Variants in CTSD observed in about 807,000 individuals in gnomAD.
CTSD encodes cathepsin D.
CTSD carries 28 observed loss-of-function variants against 43.6 expected under a neutral mutation model. The observed-to-expected ratio is 0.64, with a 90% CI of 0.48 to 0.88. CTSD has a LOEUF of 0.88. CTSD is among the 40% of genes least tolerant of loss of function. The pLI, the probability that CTSD is intolerant of heterozygous loss-of-function variation, is 0.00. For missense variants in CTSD, 485 were observed against 555.2 expected (o/e 0.87, Z 1.27); for synonymous variants, 270 against 249.8 (o/e 1.08, Z -0.76).
At chr11:1,763,677 G>T in intron 1 of CTSD, 115 bp downstream of exon 1, 1 of 1,020,620 alleles carries the variant, frequency 9.8e-7, no homozygotes, top group South Asian at 1.7e-5. Flanking sequence ...ATTCCAGCGC[G>T]GGGGGCGCAA....
intron 1 of CTSD, 172 bp from the exon 2 acceptor site, chr11:1,761,640 A>T: frequency 2.7e-6 from 2 of 737,280 alleles, no homozygotes; most frequent in Non-Finnish European, 4.7e-6. Flanking sequence ...CAAGTCAGTG[A>T]ATGGCAACCC....
chr11:1,755,479 G>A (rs1845798232), intron 5 of CTSD: 2 of 301,682 alleles, frequency 6.6e-6, no homozygotes, highest in Non-Finnish European at 1.3e-5. Context: ...TGCACTGGCT[G>A]CTCCTGGGAA....
chr11:1,757,274 C>T, intron 5 of CTSD, 50 bp downstream of exon 5: 3 of 1,499,272 alleles, frequency 2.0e-6, no homozygotes, highest in Non-Finnish European at 2.8e-6. Flanking sequence ...CCCGTCCAGC[C>T]CCGCCCTGCC....
chr11:1,761,441 G>A lies in CTSD; in HGVS notation c.96C>T (p.Ile32=), dbSNP rs1375498083. The A allele has an allele frequency of 1.9e-6, 3 of 1,613,894 alleles. No individual in the cohort carries two copies. Among genetic ancestry groups the A allele is most frequent in the South Asian group, 2.2e-5 (2 of 91,088 alleles). The change falls in exon 2 of 9, where the codon ATC becomes ATT. Residue 32 remains isoleucine (I), a synonymous_variant. Coordinates refer to ENST00000236671, the MANE Select transcript of CTSD (RefSeq NM_001909.5). ...CCCCAACCTCCGACATGGTCCGGCGGATGGACGTGAACTTGTGCAGCGGGA... is the reference window on the plus strand; with the variant it reads ...CCCCAACCTCCGACATGGTCCGGCGAATGGACGTGAACTTGTGCAGCGGGA... ...VRIPLHKFTS[I]RRTMSEVGGS...
intron 5 of CTSD, among the ~76,000 whole-genome samples, chr11:1,756,817 G>A (rs772899400): frequency 7.2e-5 from 11 of 152,184 alleles, no homozygotes; most frequent in African/African-American, 4.8e-5. Context: ...GAGGGCAGCC[G>A]GCACCTGCTG....
Position 1,761,297 on chromosome 11 carries a change from C to G in CTSD, c.228+12G>C, listed in dbSNP as rs1365561953. 6.2e-7 allele frequency: 1 copy of G among 1,613,578 alleles called. No homozygotes were observed. The highest frequency in any genetic ancestry group is 8.5e-7 in the Non-Finnish European group (1 of 1,179,966). ...GGCTCCGCTTGCAGCAGGGCTAAGA[C>G]CTCATACTCACGTCCATGTAGTTCT... On this transcript the variant is annotated intron_variant, in intron 2 of 8. Transcript: ENST00000236671.
At chr11:1,757,923 G>A (rs1295026751) in intron 4 of CTSD, 1 of 346,030 alleles carries the variant, frequency 2.9e-6, no homozygotes, top group African/African-American at 2.1e-5. Flanking sequence ...TGGGCCAGGA[G>A]CCCGAGAGAT....
At chr11:1,754,169 C>T (rs945026250) in intron 6 of CTSD, 31 bp from the exon 7 acceptor site, 80 of 1,600,262 alleles carry the variant, frequency 5.0e-5, no homozygotes, top group Admixed American at 4.4e-4. Flanking sequence ...AAGCCCCTGC[C>T]GGGACTGGAG....
intron 6 of CTSD, among the ~76,000 whole-genome samples, chr11:1,754,645 G>C (rs1845786804): frequency 6.7e-6 from 1 of 148,442 alleles, no homozygotes; most frequent in African/African-American, 2.5e-5. Context: ...GGACAGAAGG[G>C]ATGGTGGGTC....
At position 1,759,574 on chromosome 11, in the gene CTSD, C is replaced by A. The variant is rs369373285; in HGVS notation, c.294G>T (p.Thr98=). The A allele has an allele frequency of 6.2e-7, 1 of 1,613,402 alleles. No homozygotes were observed. The highest frequency in any genetic ancestry group is 1.7e-5 in the Admixed American group (1 of 59,994). ...PPQCFTVVFD[T]GSSNLWVPSI... ...AGGGGACCCACAGGTTGGAGGAGCC[C>A]GTGTCGAAGACGACTGTGAAGCACT... is the stretch of plus-strand genomic sequence containing the variant. Residue 98 remains threonine, a synonymous_variant, in exon 3 of 9, where the codon ACG becomes ACT. Transcript: ENST00000236671.
rs576112615 is a variant in CTSD, at chr11:1,759,155, C to A, written c.353-68G>T. 51 of 1,232,790 alleles carry A rather than the reference C, an allele frequency of 4.1e-5. 2 individuals are homozygous for A. The South Asian group carries it at 5.9e-4, about 14-fold the overall frequency. 76.4% of individuals were successfully genotyped at this position (1,232,790 alleles called of 1,614,324 possible). On this transcript the variant is annotated intron_variant, in intron 3 of 8. Coordinates refer to ENST00000236671, the MANE Select transcript of CTSD (RefSeq NM_001909.5). The stretch of plus-strand genomic sequence containing the variant: ...CACGCCACGGCCTTAGCCCTCCCAT[C>A]CCCCTACAATCTACCATGGAGCCCG...
At chr11:1,760,144 G>A (rs1055169367) in intron 2 of CTSD, among the ~76,000 whole-genome samples, 14 of 152,244 alleles carry the variant, frequency 9.2e-5, no homozygotes, top group African/African-American at 3.1e-4. Context: ...CCCCAGGCTT[G>A]GAGGGCTTCC....
At chr11:1,762,731 T>A (rs1175932614) in intron 1 of CTSD, among the ~76,000 whole-genome samples, 1 of 152,130 alleles carries the variant, frequency 6.6e-6, no homozygotes, top group African/African-American at 2.4e-5. Flanking sequence ...GCTGTGTCTG[T>A]CCTCCTTGGA....
rs919325099 is a variant in CTSD, at chr11:1,759,763, C to G, written c.229-124G>C. The G allele has an allele frequency of 4.0e-6, 4 of 1,007,318 alleles. No individual in the cohort carries two copies. In the African/African-American group the frequency reaches 4.9e-5, roughly 12 times the overall value. The allele number at this position is 1,007,318 out of a possible 1,614,324, so 62.4% of individuals were successfully genotyped here. A position where few individuals can be genotyped will look rare whatever the true frequency, so the allele number is the denominator to read the frequency against. On this transcript the variant is annotated intron_variant, in intron 2 of 8. Coordinates refer to ENST00000236671, the MANE Select transcript of CTSD (RefSeq NM_001909.5). The stretch of plus-strand genomic sequence containing the variant: ...GGAGGGAGGGGCATCACGGGGCCCA[C>G]AGCTGCCAACAGCCACCCACTCCCA...
At chr11:1,753,961 G>T in intron 7 of CTSD, 33 bp downstream of exon 7, 1 of 1,596,796 alleles carries the variant, frequency 6.3e-7, no homozygotes. Flanking sequence ...CCCCCTGCCA[G>T]CCCCAGCCCC....
intron 1 of CTSD, among the ~76,000 whole-genome samples, chr11:1,763,225 T>C (rs1845905201): frequency 6.6e-6 from 1 of 152,028 alleles, no homozygotes; most frequent in East Asian, 1.9e-4. Flanking sequence ...CCGGGGTGGG[T>C]GAGCCGACCC....
At chr11:1,761,522 C>T (rs772180964) in intron 1 of CTSD, 54 bp from the exon 2 acceptor site, 68 of 1,596,024 alleles carry the variant, frequency 4.3e-5, no homozygotes, top group African/African-American at 1.3e-4. Context: ...TGCCGGCCGA[C>T]GCTGCCAATG....
Position 1,753,197 on chromosome 11 carries a change from G to A in CTSD, c.*306C>T, listed in dbSNP as rs1464221454. On this transcript the variant is annotated 3_prime_UTR_variant, in exon 9 of 9. Transcript: ENST00000236671. ...TCCCTGGAGATGAAGGGAGCCCCAGGATACACGAGCTCGGCTGCCAAGCTT... is the reference window on the plus strand; with the variant it reads ...TCCCTGGAGATGAAGGGAGCCCCAGAATACACGAGCTCGGCTGCCAAGCTT... 2.0e-5 allele frequency: 9 copies of A among 451,794 alleles called. No homozygotes were observed. The East Asian group carries it at 3.6e-4, about 18-fold the overall frequency. The allele number at this position is 451,794 out of a possible 1,614,324, so 28.0% of individuals were successfully genotyped here.
chr11:1,759,708 C>A, intron 2 of CTSD, 69 bp from the exon 3 acceptor site: 1 of 1,529,032 alleles, frequency 6.5e-7, no homozygotes, highest in Non-Finnish European at 8.9e-7. Context: ...CTCAGAAGGC[C>A]CGGCTGTCCC....
Sources: allele counts gnomAD v4.1 joint callset (sites outside exome capture counted in the v4.1 genomes callset), GRCh38; gene constraint gnomAD v4.1.1; transcripts MANE v1.5; gene names NCBI Gene and HGNC (gene_info 2026-07-23, HGNC 2026-07-21).